The following LRRC4C variants were observed in gnomAD, a reference collection of about 807,000 sequenced individuals.
The protein encoded by LRRC4C is leucine-rich repeat-containing protein 4C.
Under a neutral mutation model 33.6 loss-of-function variants are expected in LRRC4C, and 5 were observed. That is an observed-to-expected ratio of 0.15 (90% CI 0.08 to 0.31). The LOEUF (loss-of-function observed/expected upper bound fraction) is 0.31, where lower values mean the gene tolerates loss of function less well. LRRC4C is among the 10% of genes least tolerant of loss of function. The pLI, the probability that LRRC4C is intolerant of heterozygous loss-of-function variation, is 1.00. For missense variants in LRRC4C, 560 were observed against 796.7 expected, an observed-to-expected ratio of 0.70 and a Z score of 3.58; for synonymous variants, 329 against 302.0, an observed-to-expected ratio of 1.09 and a Z score of -0.93.
At position 40,794,915 on chromosome 11, in the gene LRRC4C, T is replaced by C. The variant is rs113923487; in HGVS notation, c.-407+138720A>G. On this transcript the variant is annotated intron_variant, in intron 2 of 6. Transcript: ENST00000528697. ...TTGGGCAGGTGACACAAGAATGATA[T>C]ATTGAGTGCTTCTAATTAATTTTCT... Among the ~76,000 whole-genome samples the C allele has an allele frequency of 3.9e-5, 6 of 152,308 alleles. No homozygotes were observed. In the South Asian group the frequency reaches 6.2e-4, roughly 16 times the overall value.
intron 3 of LRRC4C, among the ~76,000 whole-genome samples, chr11:40,399,715 A>G (rs903717855): frequency 2.0e-5 from 3 of 151,894 alleles, no homozygotes; most frequent in African/African-American, 7.3e-5. Flanking sequence ...CCACCACGAC[A>G]ACAACAACAA....
At chr11:40,859,593 C>T (rs1460206940) in intron 2 of LRRC4C, among the ~76,000 whole-genome samples, 2 of 151,942 alleles carry the variant, frequency 1.3e-5, no homozygotes, top group Admixed American at 6.6e-5. Flanking sequence ...AATCACCCTC[C>T]TTGCTCTGTA....
chr11:40,432,960 C>T (rs1203570837), intron 3 of LRRC4C, among the ~76,000 whole-genome samples: 1 of 151,906 alleles, frequency 6.6e-6, no homozygotes, highest in African/African-American at 2.4e-5. Context: ...AATGGATATA[C>T]GTTTTAAGTA....
At position 40,602,685 on chromosome 11, in the gene LRRC4C, G is replaced by A. The variant is rs578029266; in HGVS notation, c.-270+45457C>T. Among the ~76,000 whole-genome samples, 15 of 152,312 alleles carry A rather than the reference G, an allele frequency of 9.8e-5. No individual in the cohort carries two copies. The South Asian group carries it at 2.9e-3, about 29-fold the overall frequency. The stretch of plus-strand genomic sequence containing the variant: ...ATTATTAAGGATCTTCATCAACAAT[G>A]TGCATCCACATGATGAGGACTGGAT... On this transcript the variant is annotated intron_variant, in intron 3 of 6. Transcript: ENST00000528697.
At chr11:40,184,987 T>A (rs553424919) in intron 5 of LRRC4C, among the ~76,000 whole-genome samples, 1 of 152,230 alleles carries the variant, frequency 6.6e-6, no homozygotes, top group East Asian at 1.9e-4. Flanking sequence ...GCAAAGTGAG[T>A]TTTAAACAAG....
chr11:41,214,945 A>G (rs922949527), intron 1 of LRRC4C, among the ~76,000 whole-genome samples: 4 of 147,060 alleles, frequency 2.7e-5, no homozygotes, highest in Non-Finnish European at 6.0e-5. Context: ...AGAGCTTATG[A>G]TGAATTGTTT....
At chr11:41,348,085 G>A (rs1951857273) in intron 1 of LRRC4C, among the ~76,000 whole-genome samples, 1 of 152,118 alleles carries the variant, frequency 6.6e-6, no homozygotes, top group Admixed American at 6.5e-5. Context: ...AACGAAAACT[G>A]TAACTCTTAT....
intron 3 of LRRC4C, among the ~76,000 whole-genome samples, chr11:40,513,963 ACT>A (rs1190697254): frequency 6.6e-6 from 1 of 152,012 alleles, no homozygotes; most frequent in African/African-American, 2.4e-5. Flanking sequence ...CTCACCTTAA[ACT>A]CTCAGTTCTC....
intron 2 of LRRC4C, among the ~76,000 whole-genome samples, chr11:40,809,168 T>G (rs2135368065): frequency 6.6e-6 from 1 of 152,284 alleles, no homozygotes; most frequent in Admixed American, 6.5e-5. Context: ...CTTCTCAAAA[T>G]AGTTTACTGT....
rs187524637 is a variant in LRRC4C at position 40,311,819 on chromosome 11, C to T, written c.-176+7809G>A. Among the ~76,000 whole-genome samples the T allele has an allele frequency of 2.9e-3, 434 of 151,970 alleles. 3 individuals carry two copies. Among genetic ancestry groups the T allele is most frequent in the African/African-American group, 9.9e-3 (412 of 41,420 alleles). On this transcript the variant is annotated intron_variant, in intron 4 of 6. Coordinates refer to ENST00000528697, the MANE Select transcript of LRRC4C (RefSeq NM_001258419.2). ...AATTAGCTGGGTGTGGTAGCATGTG[C>T]CTGTAGTCCCAGCTACTTGGGAGGC...
intron 1 of LRRC4C, among the ~76,000 whole-genome samples, chr11:40,953,037 T>A (rs1958787712): frequency 6.6e-6 from 1 of 151,952 alleles, no homozygotes; most frequent in South Asian, 2.1e-4. Context: ...GCAGCACCAA[T>A]GAGCATACAA....
At chr11:41,027,513 A>C (rs957058039) in intron 1 of LRRC4C, among the ~76,000 whole-genome samples, 6 of 151,886 alleles carry the variant, frequency 4.0e-5, no homozygotes, top group African/African-American at 1.4e-4. Context: ...ACCAAACAAC[A>C]GTTAATAAGA....
chr11:40,178,070 C>G (rs2135492174), intron 5 of LRRC4C, among the ~76,000 whole-genome samples: 1 of 152,280 alleles, frequency 6.6e-6, no homozygotes, highest in Middle Eastern at 3.4e-3. Flanking sequence ...GTATAGGGCT[C>G]TATCAGCTTT....
intron 3 of LRRC4C, among the ~76,000 whole-genome samples, chr11:40,539,578 G>C (rs1956620217): frequency 6.6e-6 from 1 of 151,924 alleles, no homozygotes. Context: ...AAATTCAAAA[G>C]TACAAAAAGA....
chr11:40,507,107 G>A (rs986016140), intron 3 of LRRC4C, among the ~76,000 whole-genome samples: 34 of 151,886 alleles, frequency 2.2e-4, no homozygotes, highest in Non-Finnish European at 4.4e-4. Context: ...ATTGGAATAG[G>A]GATTGCCTTC....
At chr11:41,030,723 G>A (rs1184399442) in intron 1 of LRRC4C, among the ~76,000 whole-genome samples, 2 of 151,650 alleles carry the variant, frequency 1.3e-5, no homozygotes, top group Non-Finnish European at 2.9e-5. Flanking sequence ...ATGCATAAGT[G>A]TACTTGGAAC....
chr11:40,965,011 T>G (rs1851242562), intron 1 of LRRC4C, among the ~76,000 whole-genome samples: 1 of 152,120 alleles, frequency 6.6e-6, no homozygotes, highest in Non-Finnish European at 1.5e-5. Flanking sequence ...TTCCTATTTC[T>G]CCACACCCTC....
intron 5 of LRRC4C, among the ~76,000 whole-genome samples, chr11:40,143,392 G>C (rs950779305): frequency 3.3e-5 from 5 of 151,678 alleles, no homozygotes; most frequent in African/African-American, 1.2e-4. Context: ...TTTTTTTCCT[G>C]CATCTCTCCC....
In LRRC4C at chr11:40,239,160, A is replaced by G. The variant is rs903941798; in HGVS notation, c.-96+2359T>C. Among the ~76,000 whole-genome samples the G allele has an allele frequency of 4.6e-5, 7 of 152,174 alleles. No homozygotes were observed. In the East Asian group the frequency reaches 7.7e-4, roughly 17 times the overall value. On this transcript the variant is annotated intron_variant, in intron 5 of 6. Coordinates refer to ENST00000528697, the MANE Select transcript of LRRC4C (RefSeq NM_001258419.2). ...TCCTTACTCAAAGTCTTCTTCCTTT[A>G]CAATGTCTTCCTAACTCCCCAGCAG... is the stretch of plus-strand genomic sequence containing the variant.
Sources: gnomAD v4.1 joint callset for allele counts (sites outside exome capture counted in the v4.1 genomes callset) on GRCh38, gnomAD v4.1.1 for gene constraint, MANE v1.5 for transcripts, NCBI Gene and HGNC (gene_info 2026-07-23, HGNC 2026-07-21) for gene names.